Variants in ZSCAN30 observed in about 807,000 individuals in gnomAD.
The protein encoded by ZSCAN30 is zinc finger and SCAN domain-containing protein 30.
A neutral mutation model predicts 44.3 loss-of-function variants in ZSCAN30; 37 were observed. That is an observed-to-expected ratio of 0.84 (90% CI 0.64 to 1.10). ZSCAN30 has a LOEUF of 1.10. Among genes scored for constraint, ZSCAN30 ranks in the 50% least tolerant of loss-of-function variants. The pLI, the probability that ZSCAN30 is intolerant of heterozygous loss-of-function variation, is 0.00. For synonymous variants in ZSCAN30, 181 were observed against 204.6 expected (o/e 0.88, Z 0.98); for missense variants, 549 against 582.6 (o/e 0.94, Z 0.59).
intron 3 of ZSCAN30, chr18:35,261,849 T>C (rs1021070827): frequency 6.6e-6 from 1 of 152,204 alleles, no homozygotes; most frequent in Non-Finnish European, 1.5e-5. Flanking sequence ...TAGAGACAGC[T>C]TGATTTCCTT....
intron 1 of ZSCAN30, chr18:35,284,710 A>G (rs1410636510): frequency 6.5e-6 from 1 of 155,026 alleles, no homozygotes; most frequent in Non-Finnish European, 1.5e-5. Context: ...TAGAGTGCAG[A>G]GATATCCAGG....
rs768367930 is a variant in ZSCAN30 at position 35,253,944 on chromosome 18, AT to A, written c.990del (p.Cys331ValfsTer10). On this transcript the variant is annotated frameshift_variant, in exon 4 of 4. Transcript: ENST00000333206. LOFTEE classifies it high-confidence loss of function. Reference sequence around the variant, plus strand: ...CTGAAGGCTTTGCCACATTCTTTACATGCATAAGGTCTCTCTCCAGTATGAA... The same window carrying A: ...CTGAAGGCTTTGCCACATTCTTTACAGCATAAGGTCTCTCTCCAGTATGAA... ...QRIHTGERPY[A>X]CKECGKAFSL... is the part of the protein sequence containing the mutation. 6.2e-7 allele frequency: 1 copy of A among 1,614,160 alleles called. No homozygotes were observed. Among genetic ancestry groups the A allele is most frequent in the Admixed American group, 1.7e-5 (1 of 60,022 alleles).
At chr18:35,276,149 T>C (rs1471752229) in intron 1 of ZSCAN30, among the ~76,000 whole-genome samples, 8 of 152,366 alleles carry the variant, frequency 5.3e-5, no homozygotes, top group African/African-American at 1.9e-4. Flanking sequence ...AAAGTAATAT[T>C]AGCCTCATGA....
At chr18:35,258,141 G>A in intron 3 of ZSCAN30, 1 of 625,016 alleles carries the variant, frequency 1.6e-6, no homozygotes, top group Non-Finnish European at 2.9e-6. Flanking sequence ...AGCTGTGAAA[G>A]GATCCACATT....
chr18:35,263,178 C>A, intron 3 of ZSCAN30: 1 of 379,108 alleles, frequency 2.6e-6, no homozygotes, highest in Non-Finnish European at 5.0e-6. Context: ...GGGTTCAAGG[C>A]TGCTGCAGTG....
chr18:35,286,764 G>A (rs927857681), intron 1 of ZSCAN30, among the ~76,000 whole-genome samples: 8 of 151,376 alleles, frequency 5.3e-5, no homozygotes, highest in South Asian at 2.1e-4. Flanking sequence ...CATTTCTACC[G>A]AACACTGATA....
At chr18:35,282,030 G>A (rs991941390) in intron 1 of ZSCAN30, 3 of 152,112 alleles carry the variant, frequency 2.0e-5, no homozygotes, top group African/African-American at 7.2e-5. Flanking sequence ...CTGATGCCAA[G>A]GGTGATCTGC....
chr18:35,282,850 TC>T (rs2044484172), intron 1 of ZSCAN30: 1 of 152,210 alleles, frequency 6.6e-6, no homozygotes. Context: ...CCTTGACTTC[TC>T]CCACTTTACT....
chr18:35,273,901 C>T (rs920581009), intron 1 of ZSCAN30, among the ~76,000 whole-genome samples: 1 of 152,200 alleles, frequency 6.6e-6, no homozygotes, highest in Admixed American at 6.5e-5. Flanking sequence ...ATAAGAAACT[C>T]CAGTGATTCT....
In ZSCAN30 at chr18:35,253,318, T is replaced by C; in HGVS notation, c.*132A>G. 1 of 630,780 alleles carries C rather than the reference T, an allele frequency of 1.6e-6. No individual in the cohort carries two copies. Among genetic ancestry groups the C allele is most frequent in the Non-Finnish European group, 2.6e-6 (1 of 379,614 alleles). 39.1% of individuals were successfully genotyped at this position (630,780 alleles called of 1,614,324 possible). ...ATCATAACAAACATCTTTGTGTGCA[T>C]GTCTTCTTATAGTACCGAACTGGGA... On this transcript the variant is annotated 3_prime_UTR_variant, in exon 4 of 4. Transcript: ENST00000333206.
In ZSCAN30 at chr18:35,256,546, CAAAAA is replaced by C. The variant is rs2043825238; in HGVS notation, c.554-2170_554-2166del. Among the ~76,000 whole-genome samples, 4 of 148,166 alleles carry C rather than the reference CAAAAA, an allele frequency of 2.7e-5. No homozygotes were observed. In the South Asian group the frequency reaches 8.5e-4, roughly 31 times the overall value. Reference sequence around the variant, plus strand: ...ACTGCATGACAGAACAAGACTGTCTCAAAAAGAAAAAAAAAAAGATTACAATAAGA... The same window carrying C: ...ACTGCATGACAGAACAAGACTGTCTCGAAAAAAAAAAAGATTACAATAAGA... On this transcript the variant is annotated intron_variant, in intron 3 of 3. Transcript: ENST00000333206.
chr18:35,267,140 G>T, intron 1 of ZSCAN30: 1 of 152,358 alleles, frequency 6.6e-6, no homozygotes, highest in Non-Finnish European at 1.5e-5. Flanking sequence ...GGAGCCAAGA[G>T]GAAGGCTGAG....
intron 1 of ZSCAN30, among the ~76,000 whole-genome samples, chr18:35,274,440 T>C (rs916024348): frequency 1.3e-5 from 2 of 152,212 alleles, no homozygotes; most frequent in African/African-American, 4.8e-5. Context: ...TATTGAGATT[T>C]TTCTGGGTCA....
At chr18:35,268,636 G>A (rs1191187847) in intron 1 of ZSCAN30, 3 of 152,362 alleles carry the variant, frequency 2.0e-5, no homozygotes, top group African/African-American at 7.2e-5. Flanking sequence ...TGAGAACTAA[G>A]CTGATGGTGG....
chr18:35,283,835 G>C (rs1215564246), intron 1 of ZSCAN30: 1 of 152,380 alleles, frequency 6.6e-6, no homozygotes, highest in Admixed American at 6.5e-5. Flanking sequence ...GCATGTTTCA[G>C]CTCTGTTTGT....
At chr18:35,283,966 G>A (rs1204807186) in intron 1 of ZSCAN30, 2 of 152,370 alleles carry the variant, frequency 1.3e-5, no homozygotes, top group Non-Finnish European at 2.9e-5. Context: ...TACTGAGAAG[G>A]AGGAGCTTTA....
intron 3 of ZSCAN30, among the ~76,000 whole-genome samples, chr18:35,256,564 G>A (rs563385262): frequency 1.3e-5 from 2 of 151,830 alleles, no homozygotes; most frequent in East Asian, 3.9e-4. Context: ...AAAAAAAAAA[G>A]ATTACAATAA....
At position 35,254,132 on chromosome 18, in the gene ZSCAN30, G is replaced by C; in HGVS notation, c.803C>G (p.Thr268Arg). The C allele has an allele frequency of 6.2e-7, 1 of 1,614,168 alleles. No individual in the cohort carries two copies. Among genetic ancestry groups the C allele is most frequent in the Non-Finnish European group, 8.5e-7 (1 of 1,180,008 alleles). Residue 268 changes from threonine (T) to arginine (R), a missense_variant, in exon 4 of 4, where the codon ACA (threonine) becomes AGA (arginine). Coordinates refer to ENST00000333206, the MANE Select transcript of ZSCAN30 (RefSeq NM_001112734.4). ...ATGAGATTCAAGGACACTGTGTTCT[G>C]TGGGGATTCTTCTGTTGAAGGTTGC... ...SLATFNRRIP[T>R]EHSVLESHES...
chr18:35,280,177 G>C (rs912746482), intron 1 of ZSCAN30, among the ~76,000 whole-genome samples: 3 of 151,858 alleles, frequency 2.0e-5, no homozygotes, highest in Non-Finnish European at 4.4e-5. Context: ...TTAGAAGGTT[G>C]AGGTGGGAGG....
Sources: allele counts gnomAD v4.1 joint callset (sites outside exome capture counted in the v4.1 genomes callset), GRCh38; gene constraint gnomAD v4.1.1; transcripts MANE v1.5; gene names NCBI Gene and HGNC (gene_info 2026-07-23, HGNC 2026-07-21).